Variants in C16orf74 observed in about 807,000 individuals in gnomAD.
C16orf74 encodes the protein uncharacterized protein C16orf74.
C16orf74 carries 10 observed loss-of-function variants against 6.5 expected under a neutral mutation model. The observed-to-expected ratio is 1.54, with a 90% CI of 0.95 to 2.61. The LOEUF (loss-of-function observed/expected upper bound fraction) is 2.61. C16orf74 is among the 30% of genes most tolerant of loss of function. The probability of loss-of-function intolerance (pLI) is 0.00; values close to 1 mark genes in which losing one functional copy is unlikely to be tolerated. For synonymous variants in C16orf74, 60 were observed against 42.5 expected (o/e 1.41, Z -1.60); for missense variants, 141 against 105.9 (o/e 1.33, Z -1.45).
At chr16:85,715,323 G>A (rs887478392) in intron 2 of C16orf74, among the ~76,000 whole-genome samples, 4 of 152,118 alleles carry the variant, frequency 2.6e-5, no homozygotes, top group Non-Finnish European at 5.9e-5. Flanking sequence ...GGGCCGAGGC[G>A]TGCGCTCCTT....
intron 2 of C16orf74, among the ~76,000 whole-genome samples, chr16:85,712,440 G>A (rs934342037): frequency 2.0e-5 from 3 of 152,222 alleles, no homozygotes; most frequent in Admixed American, 2.0e-4. Context: ...TGCACAGTGG[G>A]AATCTCATAC....
intron 2 of C16orf74, among the ~76,000 whole-genome samples, chr16:85,720,394 G>C (rs2054070441): frequency 6.6e-6 from 1 of 152,136 alleles, no homozygotes; most frequent in African/African-American, 2.4e-5. Flanking sequence ...CCCGTGGTCT[G>C]TTCCTGCTCA....
chr16:85,716,931 G>T (rs1245570842), intron 2 of C16orf74, among the ~76,000 whole-genome samples: 2 of 152,176 alleles, frequency 1.3e-5, no homozygotes, highest in African/African-American at 2.4e-5. Context: ...TGCCTGCCTC[G>T]GGCTATTAAA....
intron 1 of C16orf74, among the ~76,000 whole-genome samples, chr16:85,744,596 C>T (rs999940871): frequency 4.6e-5 from 7 of 152,044 alleles, no homozygotes; most frequent in African/African-American, 7.2e-5. Flanking sequence ...TTTGGGAGGC[C>T]AAGGCGGGCG....
intron 1 of C16orf74, among the ~76,000 whole-genome samples, chr16:85,738,224 G>A (rs774030404): frequency 1.3e-5 from 2 of 151,920 alleles, no homozygotes; most frequent in Non-Finnish European, 2.9e-5. Context: ...CAGCCTGGGT[G>A]ACAGCAAGAG....
In C16orf74 at chr16:85,711,297, C is replaced by A. The variant is rs1210656953; in HGVS notation, c.29-990G>T. Among the ~76,000 whole-genome samples the A allele has an allele frequency of 2.2e-4, 28 of 125,608 alleles. No individual in the cohort carries two copies. The Admixed American group carries it at 2.6e-3, about 12-fold the overall frequency. 82.4% of individuals were successfully genotyped at this position (125,608 alleles called of 152,430 possible). A position where few individuals can be genotyped will look rare whatever the true frequency, so the allele number is the denominator to read the frequency against. On this transcript the variant is annotated intron_variant, in intron 2 of 3. Transcript: ENST00000284245. ...CACCATTGCACTTCAGCCTAAATGA[C>A]AGAGTAAGACTCCATCTTAAAAAAA...
intron 2 of C16orf74, among the ~76,000 whole-genome samples, chr16:85,725,836 T>G (rs1675016863): frequency 6.6e-6 from 1 of 152,110 alleles, no homozygotes; most frequent in Non-Finnish European, 1.5e-5. Context: ...ACTCCTGACC[T>G]CAAGCAATCT....
intron 1 of C16orf74, among the ~76,000 whole-genome samples, chr16:85,738,734 C>T (rs1357996848): frequency 6.6e-6 from 1 of 151,738 alleles, no homozygotes; most frequent in Non-Finnish European, 1.5e-5. Flanking sequence ...GGGGCTGGGG[C>T]TGAGGGACGG....
chr16:85,750,486 T>C (rs1444128901), intron 1 of C16orf74, among the ~76,000 whole-genome samples: 1 of 152,226 alleles, frequency 6.6e-6, no homozygotes, highest in South Asian at 2.1e-4. Flanking sequence ...AGGCAGTTCA[T>C]AAATAATAGA....
chr16:85,712,279 T>G (rs1309216390), intron 2 of C16orf74, among the ~76,000 whole-genome samples: 1 of 152,184 alleles, frequency 6.6e-6, no homozygotes, highest in African/African-American at 2.4e-5. Context: ...ACCACCCAGA[T>G]AAGCCACTCC....
chr16:85,714,564 C>G (rs1347456348), intron 2 of C16orf74, among the ~76,000 whole-genome samples: 3 of 151,808 alleles, frequency 2.0e-5, no homozygotes, highest in East Asian at 1.9e-4. Flanking sequence ...GGATTACAGG[C>G]GCCTGCCACC....
intron 2 of C16orf74, among the ~76,000 whole-genome samples, chr16:85,724,566 G>C (rs2054114368): frequency 6.6e-6 from 1 of 152,176 alleles, no homozygotes; most frequent in African/African-American, 2.4e-5. Context: ...AGGAGATGGA[G>C]GGAAAGAGCT....
chr16:85,749,316 C>G lies in C16orf74; in HGVS notation c.-19+1610G>C, dbSNP rs1020004926. On this transcript the variant is annotated intron_variant, in intron 1 of 3. Transcript: ENST00000284245. ...ATTATTTTTTTAAGAGACAGGGTCT[C>G]CCTCTGTTGCCCAGGCTGGAATGCA... Among the ~76,000 whole-genome samples the G allele has an allele frequency of 8.5e-5, 13 of 152,232 alleles. No homozygotes were observed. The South Asian group carries it at 2.7e-3, about 32-fold the overall frequency.
rs183644899 is a variant in C16orf74 at position 85,717,102 on chromosome 16, G to A, written c.29-6795C>T. On this transcript the variant is annotated intron_variant, in intron 2 of 3. Transcript: ENST00000284245. The stretch of plus-strand genomic sequence containing the variant: ...CACCAGGCCCTGACCCCCGCTCTGC[G>A]GCCATGCACTGTCCTCGCAGTGGGG... Among the ~76,000 whole-genome samples, 78 of 152,302 alleles carry A rather than the reference G, an allele frequency of 5.1e-4. No homozygotes were observed. In the East Asian group the frequency reaches 0.014, roughly 28 times the overall value.
intron 2 of C16orf74, among the ~76,000 whole-genome samples, chr16:85,722,419 G>C (rs1002658107): frequency 3.0e-4 from 45 of 152,230 alleles, no homozygotes; most frequent in African/African-American, 1.1e-3. Context: ...CTGAAGCTGG[G>C]AAAGGCCGCA....
intron 1 of C16orf74, among the ~76,000 whole-genome samples, chr16:85,737,910 G>C (rs1307394964): frequency 6.6e-6 from 1 of 151,456 alleles, no homozygotes; most frequent in South Asian, 2.1e-4. Flanking sequence ...TTTGAATGTG[G>C]CCTAACGCAA....
intron 2 of C16orf74, 36 bp downstream of exon 2, chr16:85,735,154 C>T: frequency 6.3e-7 from 1 of 1,589,086 alleles, no homozygotes; most frequent in Non-Finnish European, 8.6e-7. Context: ...CCCCCTCTGC[C>T]ATGAGAGCTG....
At chr16:85,748,925 AT>A (rs748594620) in intron 1 of C16orf74, among the ~76,000 whole-genome samples, 22 of 73,114 alleles carry the variant, frequency 3.0e-4, no homozygotes, top group African/African-American at 1.0e-3. Context: ...GGAGGCTTTG[AT>A]TTTTTTTTTT....
chr16:85,725,846 T>G (rs1236842047), intron 2 of C16orf74, among the ~76,000 whole-genome samples: 3 of 152,164 alleles, frequency 2.0e-5, no homozygotes, highest in African/African-American at 7.2e-5. Context: ...TCAAGCAATC[T>G]GCCCACCTTG....
Sources: gnomAD v4.1 joint callset for allele counts (sites outside exome capture counted in the v4.1 genomes callset) on GRCh38, gnomAD v4.1.1 for gene constraint, MANE v1.5 for transcripts, NCBI Gene and HGNC (gene_info 2026-07-23, HGNC 2026-07-21) for gene names.